Variants in ADAMTS20 observed in about 807,000 individuals in gnomAD.
ADAMTS20 encodes ADAM metallopeptidase with thrombospondin type 1 motif 20.
ADAMTS20 carries 225 observed loss-of-function variants against 260.1 expected under a neutral mutation model. The observed-to-expected ratio is 0.87, with a 90% CI of 0.78 to 0.97. ADAMTS20 has a LOEUF of 0.97. ADAMTS20 is among the 50% of genes least tolerant of loss of function. ADAMTS20 has a pLI of 0.00. For missense variants in ADAMTS20, 2,400 were observed against 2,337.7 expected (o/e 1.03, Z -0.55); for synonymous variants, 802 against 769.5 (o/e 1.04, Z -0.70).
intron 5 of ADAMTS20, 129 bp from the exon 6 acceptor site, chr12:43,492,758 T>G: frequency 1.0e-6 from 1 of 988,656 alleles, no homozygotes. Context: ...ACAGCATCTC[T>G]TCTTCATATA....
chr12:43,540,052 T>C (rs902425184), intron 2 of ADAMTS20, among the ~76,000 whole-genome samples: 4 of 151,962 alleles, frequency 2.6e-5, no homozygotes, highest in Admixed American at 6.6e-5. Context: ...CCAGCTAATT[T>C]TTTGTATTTT....
intron 31 of ADAMTS20, among the ~76,000 whole-genome samples, chr12:43,382,355 C>A (rs552423084): frequency 6.6e-6 from 1 of 152,086 alleles, no homozygotes; most frequent in Non-Finnish European, 1.5e-5. Context: ...TTTAAAATAT[C>A]ATGCTAAGTG....
Position 43,375,434 on chromosome 12 carries a change from A to G in ADAMTS20, c.5391T>C (p.Ala1797=), listed in dbSNP as rs1384943159. The G allele has an allele frequency of 6.2e-6, 10 of 1,613,750 alleles. No homozygotes were observed. The highest frequency in any genetic ancestry group is 8.5e-6 in the Non-Finnish European group (10 of 1,179,716). Residue 1797 remains alanine, a synonymous_variant, in exon 36 of 39, where the codon GCT becomes GCC. Transcript: ENST00000389420. The part of the protein sequence containing the change: ...DCECDNGHLA[A]GYTVFSKIRI... ...TTATTTTGCTGAAAACAGTGTATCC[A>G]GCAGCTAAGTGTCCATTGTCACATT...
rs1943506738 is a variant in ADAMTS20, at chr12:43,551,048, G to A, written c.314C>T (p.Thr105Ile). 1 of 1,613,690 alleles carries A rather than the reference G, an allele frequency of 6.2e-7. No homozygotes were observed. The highest frequency in any genetic ancestry group is 1.3e-5 in the African/African-American group (1 of 75,002). The change falls in exon 2 of 39, where the codon ACC becomes ATC. Residue 105 changes from threonine (T) to isoleucine (I), a missense_variant. Thr to Ile is a moderately conservative substitution (Grantham distance 89). Transcript: ENST00000389420. This position sits in a 1 kb window ranked among gnomAD's most constrained non-coding sequence, Gnocchi z 4.6. Reference protein sequence around the residue: ...ADASFLAAGYTEVHLGTPERG... With the variant: ...ADASFLAAGYIEVHLGTPERG... ...CTCCGGGGTTCCCAAGTGCACCTCG[G>A]TGTAGCCGGCGGCCAGAAAGGATGC... is the stretch of plus-strand genomic sequence containing the variant.
intron 2 of ADAMTS20, among the ~76,000 whole-genome samples, chr12:43,545,607 A>C (rs1943431810): frequency 6.6e-6 from 1 of 152,122 alleles, no homozygotes. Context: ...CATAGCTCCC[A>C]AGGACTTCTC....
chr12:43,364,431 T>C (rs557465410), intron 37 of ADAMTS20, among the ~76,000 whole-genome samples: 3 of 152,174 alleles, frequency 2.0e-5, no homozygotes, highest in South Asian at 2.1e-4. Flanking sequence ...AATATAAATA[T>C]GTTCAAAGGA....
intron 3 of ADAMTS20, among the ~76,000 whole-genome samples, chr12:43,519,893 A>C (rs936223729): frequency 2.6e-5 from 4 of 151,956 alleles, no homozygotes; most frequent in Non-Finnish European, 5.9e-5. Flanking sequence ...CAGCCTCTCC[A>C]CCTCCCAAAT....
intron 2 of ADAMTS20, among the ~76,000 whole-genome samples, chr12:43,550,673 A>C (rs1004959342): frequency 6.6e-6 from 1 of 152,120 alleles, no homozygotes; most frequent in Non-Finnish European, 1.5e-5. Flanking sequence ...ATGATGAAAG[A>C]GCATCTTTCA....
intron 7 of ADAMTS20, among the ~76,000 whole-genome samples, chr12:43,471,103 C>G (rs1243280960): frequency 6.6e-6 from 1 of 152,056 alleles, no homozygotes; most frequent in African/African-American, 2.4e-5. Context: ...GAGTGCCAGA[C>G]AGTGGGCGCA....
At chr12:43,533,152 C>G in intron 2 of ADAMTS20, among the ~76,000 whole-genome samples, 1 of 64,392 alleles carries the variant, frequency 1.6e-5, no homozygotes, top group Non-Finnish European at 3.2e-5. Flanking sequence ...AATGGTTGAA[C>G]TAGTTTACAG....
chr12:43,451,407 G>C (rs1362338291), intron 14 of ADAMTS20, among the ~76,000 whole-genome samples: 1 of 151,820 alleles, frequency 6.6e-6, no homozygotes, highest in African/African-American at 2.4e-5. Flanking sequence ...TCTAAACCCA[G>C]TATTTTGAAG....
In ADAMTS20 at chr12:43,502,368, G is replaced by A; in HGVS notation, c.651C>T (p.Thr217=). 1 of 1,602,306 alleles carries A rather than the reference G, an allele frequency of 6.2e-7. No homozygotes were observed. The highest frequency in any genetic ancestry group is 8.5e-7 in the Non-Finnish European group (1 of 1,176,858). Reference sequence around the variant, plus strand: ...TAAGATCTTCATTCATGTTGCTGTAGGTATGAAAGGGTAAACTGGTTTCCT... The same window carrying A: ...TAAGATCTTCATTCATGTTGCTGTAAGTATGAAAGGGTAAACTGGTTTCCT... ...QIKETSLPFH[T]YSNMNEDLNV... is the part of the protein sequence containing the mutation. Residue 217 remains threonine (T), a synonymous_variant, in exon 4 of 39, where the codon ACC becomes ACT. Transcript: ENST00000389420.
At chr12:43,475,807 C>A (rs1470966776) in intron 7 of ADAMTS20, among the ~76,000 whole-genome samples, 1 of 149,792 alleles carries the variant, frequency 6.7e-6, no homozygotes, top group African/African-American at 2.5e-5. Flanking sequence ...AAAGCTAAAA[C>A]TGGATCCCTT....
At chr12:43,459,334 C>T (rs1486779192) in intron 11 of ADAMTS20, among the ~76,000 whole-genome samples, 1 of 152,202 alleles carries the variant, frequency 6.6e-6, no homozygotes, top group South Asian at 2.1e-4. Context: ...CTGGGTTCAT[C>T]CTAATCAGGC....
intron 3 of ADAMTS20, among the ~76,000 whole-genome samples, chr12:43,526,748 G>T (rs1399441977): frequency 1.3e-5 from 2 of 152,064 alleles, no homozygotes; most frequent in Non-Finnish European, 2.9e-5. Context: ...GAGATCACAA[G>T]TTAACAATCT....
intron 29 of ADAMTS20, 97 bp downstream of exon 29, chr12:43,398,969 A>T: frequency 2.4e-6 from 2 of 847,458 alleles, no homozygotes; most frequent in Non-Finnish European, 3.2e-6. Context: ...AATAAATTTT[A>T]GAGAAGCAAA....
At chr12:43,475,422 A>G (rs1277305479) in intron 7 of ADAMTS20, among the ~76,000 whole-genome samples, 41 of 140,092 alleles carry the variant, frequency 2.9e-4, no homozygotes, top group African/African-American at 1.0e-3. Flanking sequence ...TGCCCAAGGT[A>G]ATTTACAGAT....
chr12:43,509,432 T>A (rs767008332), intron 3 of ADAMTS20, among the ~76,000 whole-genome samples: 1 of 152,122 alleles, frequency 6.6e-6, no homozygotes, highest in South Asian at 2.1e-4. Flanking sequence ...TCTATACAAC[T>A]CTTTGGCAAA....
In ADAMTS20 at chr12:43,493,202, C is replaced by G; in HGVS notation, c.919G>C (p.Val307Leu). The part of the protein sequence containing the change: ...PSIGNLIHIV[V>L]VKLVMIHREE... ...CGGTGAATCATAACTAATTTTACCA[C>G]TACTATGTGTATCAAATTTCCAATA... is the stretch of plus-strand genomic sequence containing the variant. The change falls in exon 5 of 39, where the codon GTG (valine) becomes CTG (leucine). Residue 307 changes from valine (V) to leucine (L), a missense_variant. By Grantham distance (32) the Val-to-Leu change is conservative (BLOSUM62 1). Transcript: ENST00000389420. 6.4e-7 allele frequency: 1 copy of G among 1,563,180 alleles called. No individual in the cohort carries two copies. The highest frequency in any genetic ancestry group is 1.9e-5 in the Admixed American group (1 of 52,168).
Sources: allele counts gnomAD v4.1 joint callset (sites outside exome capture counted in the v4.1 genomes callset), GRCh38; gene constraint gnomAD v4.1.1; non-coding constraint Gnocchi (gnomAD v3.1); transcripts MANE v1.5; gene names NCBI Gene and HGNC (gene_info 2026-07-23, HGNC 2026-07-21).